NDST4: variants seen among roughly 807,000 people sequenced by gnomAD.
NDST4 encodes N-heparan sulfate sulfotransferase 4.
A neutral mutation model predicts 100.8 loss-of-function variants in NDST4; 63 were observed. The observed-to-expected ratio is 0.62, with a 90% confidence interval of 0.51 to 0.77. The LOEUF (loss-of-function observed/expected upper bound fraction) is 0.77. Among genes scored for constraint, NDST4 ranks in the 30% least tolerant of loss-of-function variants. The probability of loss-of-function intolerance (pLI) is 0.00; values close to 1 mark genes in which losing one functional copy is unlikely to be tolerated. For missense variants in NDST4, 943 were observed against 1,018.4 expected (o/e 0.93, Z 1.01); for synonymous variants, 377 against 361.8 (o/e 1.04, Z -0.48).
chr4:115,055,141 A>G (rs1728666698), intron 2 of NDST4, among the ~76,000 whole-genome samples: 1 of 152,128 alleles, frequency 6.6e-6, no homozygotes, highest in African/African-American at 2.4e-5. Flanking sequence ...CCCTTATGAG[A>G]ATCTAATGCC....
intron 10 of NDST4, among the ~76,000 whole-genome samples, chr4:114,843,764 G>C (rs1213041504): frequency 6.6e-6 from 1 of 151,944 alleles, no homozygotes; most frequent in Non-Finnish European, 1.5e-5. Flanking sequence ...ATATTTTCTT[G>C]TCTTTCTTGG....
rs550096441 is a variant in NDST4, at chr4:114,916,086, T to C, written c.1536+19120A>G. On this transcript the variant is annotated intron_variant, in intron 6 of 13. Transcript: ENST00000264363. The stretch of plus-strand genomic sequence containing the variant: ...CATTTCATTTGTGAGTAATGGACTA[T>C]CGATATTTATCCTTATGTTCTTTAA... Among the ~76,000 whole-genome samples, 5 of 152,310 alleles carry C rather than the reference T, an allele frequency of 3.3e-5. No individual in the cohort carries two copies. In the East Asian group the frequency reaches 7.7e-4, roughly 24 times the overall value.
At chr4:115,053,491 C>G (rs1189340805) in intron 2 of NDST4, among the ~76,000 whole-genome samples, 4 of 151,938 alleles carry the variant, frequency 2.6e-5, no homozygotes, top group Non-Finnish European at 5.9e-5. Context: ...CCTGCCACAC[C>G]CTTTCCTGTG....
intron 10 of NDST4, among the ~76,000 whole-genome samples, chr4:114,845,213 T>C (rs1723518509): frequency 6.6e-6 from 1 of 152,050 alleles, no homozygotes; most frequent in Non-Finnish European, 1.5e-5. Flanking sequence ...GTGCCTGTAG[T>C]CTCAGCTACT....
At chr4:114,962,810 C>G (rs1306288516) in intron 4 of NDST4, among the ~76,000 whole-genome samples, 3 of 151,846 alleles carry the variant, frequency 2.0e-5, no homozygotes, top group Admixed American at 6.6e-5. Flanking sequence ...ATAAGATGAT[C>G]CTAAAATTCA....
chr4:114,829,133 C>G (rs2126178618), intron 13 of NDST4, among the ~76,000 whole-genome samples: 1 of 152,176 alleles, frequency 6.6e-6, no homozygotes, highest in South Asian at 2.1e-4. Context: ...CCTGCATCCC[C>G]CTTTGCCCAC....
At chr4:114,836,851 C>A (rs1723316122) in intron 11 of NDST4, among the ~76,000 whole-genome samples, 4 of 151,890 alleles carry the variant, frequency 2.6e-5, no homozygotes, top group Admixed American at 2.6e-4. Flanking sequence ...GTCTTCATAC[C>A]TTATTTCAGT....
At chr4:114,857,764 C>T (rs902379140) in intron 7 of NDST4, among the ~76,000 whole-genome samples, 1 of 152,088 alleles carries the variant, frequency 6.6e-6, no homozygotes, top group Admixed American at 6.5e-5. Context: ...ATATGACAAA[C>T]TAATCAGCAG....
At position 114,970,459 on chromosome 4, in the gene NDST4, G is replaced by C; in HGVS notation, c.1192C>G (p.Gln398Glu). ...LFHNESSLVE[Q>E]MILNKEFALE... The stretch of plus-strand genomic sequence containing the variant: ...GCAAATTCCTTGTTGAGAATCATCT[G>C]CTCTACTAAAGATGACTCGTTGTGG... The change falls in exon 4 of 14, where the codon CAG (glutamine) becomes GAG (glutamate). Residue 398 changes from glutamine (Q) to glutamate (E), a missense_variant. Gln to Glu is a conservative substitution (Grantham distance 29). This residue lies in a region of NDST4 where 526 missense variants were observed against 634.1 expected (regional missense o/e 0.83). Coordinates refer to ENST00000264363, the MANE Select transcript of NDST4 (RefSeq NM_022569.3). 1 of 1,613,836 alleles carries C rather than the reference G, an allele frequency of 6.2e-7. No homozygotes were observed. Among genetic ancestry groups the C allele is most frequent in the Non-Finnish European group, 8.5e-7 (1 of 1,179,816 alleles).
intron 10 of NDST4, chr4:114,842,542 A>C (rs956129734): frequency 1.1e-5 from 2 of 175,370 alleles, no homozygotes; most frequent in Non-Finnish European, 2.3e-5. Context: ...CTGTAATCCC[A>C]GCACTTTGGG....
intron 2 of NDST4, among the ~76,000 whole-genome samples, chr4:114,997,149 G>A (rs1472426775): frequency 6.6e-6 from 1 of 151,814 alleles, no homozygotes; most frequent in Non-Finnish European, 1.5e-5. Flanking sequence ...TTCTAACTTC[G>A]GAGCTTTTGC....
chr4:114,842,023 T>C (rs1384743302), intron 10 of NDST4, among the ~76,000 whole-genome samples: 1 of 150,446 alleles, frequency 6.6e-6, no homozygotes, highest in Non-Finnish European at 1.5e-5. Context: ...TCCCTTTTAG[T>C]CTTCTTTACT....
intron 4 of NDST4, among the ~76,000 whole-genome samples, chr4:114,966,719 A>C (rs972679492): frequency 6.6e-6 from 1 of 152,038 alleles, no homozygotes; most frequent in Non-Finnish European, 1.5e-5. Context: ...TTTTCTCATA[A>C]TTGCTTCAAT....
intron 4 of NDST4, among the ~76,000 whole-genome samples, chr4:114,945,804 T>C (rs1725849692): frequency 6.6e-6 from 1 of 152,164 alleles, no homozygotes; most frequent in Non-Finnish European, 1.5e-5. Context: ...TTTTCCACTG[T>C]GTTTAGGGGA....
intron 2 of NDST4, among the ~76,000 whole-genome samples, chr4:115,021,492 TATACACAC>T (rs1282985411): frequency 1.4e-5 from 2 of 147,852 alleles, no homozygotes; most frequent in African/African-American, 2.5e-5. Context: ...ACATTCCATA[TATACACAC>T]GTTCCACATA....
rs111313732 is a variant in NDST4, at chr4:114,897,959, G to A, written c.1537-27009C>T. Reference sequence around the variant, plus strand: ...GAAATCTTTGTAATAGGTAACAGTCGTATATTTGATGTGCCCTTTGCAAAT... The same window carrying A: ...GAAATCTTTGTAATAGGTAACAGTCATATATTTGATGTGCCCTTTGCAAAT... On this transcript the variant is annotated intron_variant, in intron 6 of 13. Transcript: ENST00000264363. 1.6e-3 allele frequency among the ~76,000 whole-genome samples: 240 copies of A among 152,174 alleles called. 1 individual carries two copies. Among genetic ancestry groups the A allele is most frequent in the African/African-American group, 5.1e-3 (211 of 41,536 alleles).
intron 4 of NDST4, among the ~76,000 whole-genome samples, chr4:114,945,784 G>C (rs1578405964): frequency 6.6e-6 from 1 of 152,194 alleles, no homozygotes; most frequent in East Asian, 1.9e-4. Flanking sequence ...AATGATCCTA[G>C]AATCATTGAT....
At chr4:114,998,115 T>G (rs1482641594) in intron 2 of NDST4, among the ~76,000 whole-genome samples, 1 of 152,076 alleles carries the variant, frequency 6.6e-6, no homozygotes, top group Non-Finnish European at 1.5e-5. Context: ...ATTAATCACT[T>G]CCACCAGTGG....
At chr4:114,957,972 G>A (rs947550449) in intron 4 of NDST4, among the ~76,000 whole-genome samples, 4 of 152,198 alleles carry the variant, frequency 2.6e-5, no homozygotes, top group Admixed American at 6.5e-5. Flanking sequence ...GCTTTCACTG[G>A]CTGGCTTGAG....
Sources: gnomAD v4.1 joint callset for allele counts (sites outside exome capture counted in the v4.1 genomes callset) on GRCh38, gnomAD v4.1.1 for gene constraint, gnomAD v4.1.1 regional missense constraint, MANE v1.5 for transcripts, NCBI Gene and HGNC (gene_info 2026-07-23, HGNC 2026-07-21) for gene names.